The following PRKAR1B variants were observed in gnomAD, a reference collection of about 807,000 sequenced individuals.
PRKAR1B encodes the protein protein kinase cAMP-dependent type I regulatory subunit beta.
PRKAR1B carries 22 observed loss-of-function variants against 46.5 expected under a neutral mutation model. The observed-to-expected ratio is 0.47, with a 90% CI of 0.34 to 0.68. PRKAR1B has a LOEUF of 0.68. Ranked by LOEUF, PRKAR1B falls within the 30% of genes least tolerant of loss-of-function variation. The probability of loss-of-function intolerance (pLI) is 0.01; values close to 1 mark genes in which losing one functional copy is unlikely to be tolerated. For synonymous variants in PRKAR1B, 259 were observed against 217.7 expected, an observed-to-expected ratio of 1.19 and a Z score of -1.67; for missense variants, 445 against 535.6, an observed-to-expected ratio of 0.83 and a Z score of 1.67.
intron 9 of PRKAR1B, among the ~76,000 whole-genome samples, chr7:575,223 A>G (rs1314979564): frequency 1.3e-5 from 2 of 152,198 alleles, no homozygotes; most frequent in Non-Finnish European, 2.9e-5. Context: ...GACGTCCAAG[A>G]TGGCACAGTC....
chr7:727,152 G>A, intron 1 of PRKAR1B, 58 bp downstream of exon 1: 2 of 1,273,120 alleles, frequency 1.6e-6, no homozygotes, highest in Non-Finnish European at 9.9e-7. Context: ...TGCGCCTGGC[G>A]CTTGTGCAGC....
In PRKAR1B at chr7:714,821, T is replaced by C. The variant is rs75666377; in HGVS notation, c.-22-3294A>G. ...GGGAAGAAACAGGATCCTAGAGAAA[T>C]GGAGCCACGGCCGTCCTCAAACCAA... is the stretch of plus-strand genomic sequence containing the variant. On this transcript the variant is annotated intron_variant, in intron 1 of 10. Coordinates refer to ENST00000537384, the MANE Select transcript of PRKAR1B (RefSeq NM_001164760.2). The surrounding 1 kb of genome is among the most constrained non-coding windows in gnomAD (Gnocchi z 4.3). Among the ~76,000 whole-genome samples the C allele has an allele frequency of 0.017, 2,652 of 152,260 alleles. 44 individuals carry two copies. The highest frequency in any genetic ancestry group is 0.1 in the East Asian group (531 of 5,172).
chr7:684,406 T>C (rs928985362), intron 2 of PRKAR1B, among the ~76,000 whole-genome samples: 6 of 152,232 alleles, frequency 3.9e-5, no homozygotes, highest in African/African-American at 1.4e-4. Flanking sequence ...ACCTCTCGAA[T>C]GACAGCAAAA....
chr7:594,360 G>A (rs1459925079), intron 7 of PRKAR1B, among the ~76,000 whole-genome samples: 9 of 152,122 alleles, frequency 5.9e-5, no homozygotes, highest in East Asian at 5.8e-4. Flanking sequence ...CTCCTCGGCC[G>A]GGCTGGACCC....
chr7:694,307 A>T (rs761220995), intron 2 of PRKAR1B, among the ~76,000 whole-genome samples: 8 of 151,166 alleles, frequency 5.3e-5, no homozygotes, highest in Non-Finnish European at 7.4e-5. Context: ...AAACAGTGAG[A>T]CCCGGACTTG....
At chr7:639,230 T>C (rs181142534) in intron 4 of PRKAR1B, among the ~76,000 whole-genome samples, 42 of 152,272 alleles carry the variant, frequency 2.8e-4, no homozygotes, top group Admixed American at 2.2e-3. Context: ...ATCAAGACGG[T>C]GGTGGTATTA....
chr7:683,038 C>T (rs1315536420), intron 2 of PRKAR1B, among the ~76,000 whole-genome samples: 1 of 152,206 alleles, frequency 6.6e-6, no homozygotes, highest in East Asian at 1.9e-4. Flanking sequence ...AGATGGCGGC[C>T]CTATCAGGCA....
intron 9 of PRKAR1B, among the ~76,000 whole-genome samples, chr7:556,100 C>T (rs1452617254): frequency 6.6e-6 from 1 of 152,182 alleles, no homozygotes; most frequent in African/African-American, 2.4e-5. Context: ...CGGCTCCTGG[C>T]TGTCTCCAAG....
chr7:725,799 G>A (rs1781242985), intron 1 of PRKAR1B, among the ~76,000 whole-genome samples: 2 of 152,110 alleles, frequency 1.3e-5, no homozygotes, highest in Admixed American at 1.3e-4. Context: ...TCTAAGATTG[G>A]TGCTCAAGAT....
intron 7 of PRKAR1B, among the ~76,000 whole-genome samples, chr7:595,496 G>C (rs1002920443): frequency 6.6e-6 from 1 of 152,176 alleles, no homozygotes; most frequent in Non-Finnish European, 1.5e-5. Flanking sequence ...CTGGCAGGTG[G>C]GGTGTGTGCG....
intron 4 of PRKAR1B, among the ~76,000 whole-genome samples, chr7:612,930 A>T (rs541901138): frequency 1.3e-5 from 2 of 152,290 alleles, no homozygotes; most frequent in South Asian, 4.2e-4. Context: ...GACAATGAAA[A>T]GATGTGTGTG....
In PRKAR1B at chr7:606,220, G is replaced by T; in HGVS notation, c.522C>A (p.Phe174Leu). The T allele has an allele frequency of 6.2e-7, 1 of 1,613,956 alleles. No homozygotes were observed. Among genetic ancestry groups the T allele is most frequent in the African/African-American group, 1.3e-5 (1 of 75,050 alleles). The change falls in exon 6 of 11, where the codon TTC (phenylalanine) becomes TTA (leucine). Residue 174 changes from phenylalanine (F) to leucine (L), a missense_variant. By Grantham distance (22) the Phe-to-Leu change is conservative. Around this residue, in one of 5 missense-constraint regions of PRKAR1B, gnomAD observed 94 missense variants for 126.9 expected, o/e 0.74. Coordinates refer to ENST00000537384, the MANE Select transcript of PRKAR1B (RefSeq NM_001164760.2). ...VIQQGNEGDN[F>L]YVVDQGEVDV... ...CCACTTCCCCTTGATCAACGACATA[G>T]AAGTTGTCTCCTTCATTCCCTGTAA...
At chr7:601,088 T>G (rs1244486771) in intron 6 of PRKAR1B, among the ~76,000 whole-genome samples, 1 of 152,178 alleles carries the variant, frequency 6.6e-6, no homozygotes, top group Non-Finnish European at 1.5e-5. Context: ...CAAGCTCTGC[T>G]GGCTTAAAGG....
chr7:660,735 C>G (rs1298214911), intron 4 of PRKAR1B, among the ~76,000 whole-genome samples: 1 of 132,568 alleles, frequency 7.5e-6, no homozygotes, highest in Admixed American at 7.2e-5. Flanking sequence ...CACAGGTCCC[C>G]ACCCCAACGG....
At chr7:721,963 G>A (rs557750302) in intron 1 of PRKAR1B, among the ~76,000 whole-genome samples, 1 of 152,150 alleles carries the variant, frequency 6.6e-6, no homozygotes, top group South Asian at 2.1e-4. Flanking sequence ...TCCTCCTTCT[G>A]TCTTTAGTTT....
intron 4 of PRKAR1B, among the ~76,000 whole-genome samples, chr7:623,963 T>A (rs1229665229): frequency 6.6e-6 from 1 of 152,070 alleles, no homozygotes; most frequent in East Asian, 1.9e-4. Context: ...TTCTGTACAT[T>A]CTTGGGCTTC....
At chr7:648,008 T>C (rs1295403651) in intron 4 of PRKAR1B, among the ~76,000 whole-genome samples, 1 of 151,244 alleles carries the variant, frequency 6.6e-6, no homozygotes, top group Non-Finnish European at 1.5e-5. Context: ...TAGCCGGGTG[T>C]GGTGGTGCGC....
At chr7:581,088 G>A (rs1028117432) in intron 8 of PRKAR1B, among the ~76,000 whole-genome samples, 1 of 152,124 alleles carries the variant, frequency 6.6e-6, no homozygotes, top group South Asian at 2.1e-4. Context: ...CGGATCACGA[G>A]GTCAGGAGAT....
At chr7:577,607 G>A (rs1468870539) in intron 9 of PRKAR1B, among the ~76,000 whole-genome samples, 4 of 152,160 alleles carry the variant, frequency 2.6e-5, no homozygotes, top group African/African-American at 7.2e-5. Flanking sequence ...GAGGCCCCAG[G>A]CAGAGCCTCC....
Sources: gnomAD v4.1 joint callset for allele counts (sites outside exome capture counted in the v4.1 genomes callset) on GRCh38, gnomAD v4.1.1 for gene constraint, gnomAD v4.1.1 regional missense constraint, Gnocchi (gnomAD v3.1) non-coding constraint, MANE v1.5 for transcripts, NCBI Gene and HGNC (gene_info 2026-07-23, HGNC 2026-07-21) for gene names.